The following FAM20C variants were observed in gnomAD, a reference collection of about 807,000 sequenced individuals.
The protein encoded by FAM20C is FAM20C golgi associated secretory pathway kinase, also known as extracellular serine/threonine protein kinase FAM20C.
FAM20C carries 40 observed loss-of-function variants against 51.5 expected under a neutral mutation model. The ratio of observed to expected loss-of-function variants is 0.78; its 90% CI spans 0.60 to 1.01. The LOEUF is 1.01. Ranked by LOEUF, FAM20C falls within the 50% of genes least tolerant of loss-of-function variation. FAM20C has a pLI of 0.00. For missense variants in FAM20C, 861 were observed against 844.7 expected, an observed-to-expected ratio of 1.02 and a Z score of -0.24; for synonymous variants, 406 against 380.6, an observed-to-expected ratio of 1.07 and a Z score of -0.78.
chr7:196,243 A>C (rs1785865993), intron 2 of FAM20C, among the ~76,000 whole-genome samples: 1 of 152,222 alleles, frequency 6.6e-6, no homozygotes, highest in Non-Finnish European at 1.5e-5. Context: ...AGACATAGGC[A>C]GGGCTCAGGA....
chr7:220,613 G>A (rs769181204), intron 3 of FAM20C, among the ~76,000 whole-genome samples: 1 of 152,196 alleles, frequency 6.6e-6, no homozygotes, highest in African/African-American at 2.4e-5. Flanking sequence ...AGGAGGCGGC[G>A]TTGGAGCTGA....
chr7:213,206 A>AGT (rs1347224190), intron 3 of FAM20C, among the ~76,000 whole-genome samples: 9 of 136,330 alleles, frequency 6.6e-5, no homozygotes, highest in African/African-American at 2.3e-4. Flanking sequence ...GGAGTTGTGC[A>AGT]GTGTGTAGTC....
Position 193,064 on chromosome 7 carries a change from G to A in FAM20C, c.-136G>A. 1.5e-6 allele frequency: 1 copy of A among 653,816 alleles called. No homozygotes were observed. The allele number at this position is 653,816 out of a possible 1,614,324, so 40.5% of individuals were successfully genotyped here. ...GCGCCCTGCACGCGGCCCGGGCCCG[G>A]GGACAGCCCCGGAGCTGGTAGCCGC... On this transcript the variant is annotated 5_prime_UTR_variant, in exon 1 of 10. Coordinates refer to ENST00000313766, the MANE Select transcript of FAM20C (RefSeq NM_020223.4).
At chr7:196,846 C>G (rs76249497) in intron 2 of FAM20C, among the ~76,000 whole-genome samples, 2 of 152,122 alleles carry the variant, frequency 1.3e-5, no homozygotes, top group Admixed American at 1.3e-4. Context: ...AGCTCTCTCC[C>G]CACCCCTTGA....
At position 193,769 on chromosome 7, in the gene FAM20C, C is replaced by T; in HGVS notation, c.570C>T (p.Thr190=). The T allele has an allele frequency of 1.3e-6, 2 of 1,551,766 alleles. No homozygotes were observed. Among genetic ancestry groups the T allele is most frequent in the Non-Finnish European group, 1.7e-6 (2 of 1,147,848 alleles). Residue 190 remains threonine (T), a synonymous_variant, in exon 1 of 10, where the codon ACC becomes ACT. Transcript: ENST00000313766. ...EDVLFNVNSD[T]RLSPKAAENP... Reference sequence around the variant, plus strand: ...TCCTGTTCAATGTGAACAGCGACACCAGGCTCAGCCCCAAAGCGGCGGAGA... The same window carrying T: ...TCCTGTTCAATGTGAACAGCGACACTAGGCTCAGCCCCAAAGCGGCGGAGA...
At chr7:253,062 C>T (rs1324067796) in intron 5 of FAM20C, among the ~76,000 whole-genome samples, 1 of 152,230 alleles carries the variant, frequency 6.6e-6, no homozygotes, top group Admixed American at 6.5e-5. Flanking sequence ...GCCTTTTTTC[C>T]TGCCACGGTG....
chr7:198,527 AAT>A (rs1464282863), intron 2 of FAM20C, among the ~76,000 whole-genome samples: 1 of 152,174 alleles, frequency 6.6e-6, no homozygotes, highest in Non-Finnish European at 1.5e-5. Flanking sequence ...TGTTACATTG[AAT>A]AGTCACATGT....
intron 3 of FAM20C, among the ~76,000 whole-genome samples, chr7:222,830 C>A (rs534645656): frequency 6.6e-6 from 1 of 152,086 alleles, no homozygotes; most frequent in East Asian, 1.9e-4. Context: ...TGTGTAAGGG[C>A]ATGTGTGTGC....
intron 3 of FAM20C, among the ~76,000 whole-genome samples, chr7:233,600 G>C (rs1243861178): frequency 1.3e-5 from 2 of 152,170 alleles, no homozygotes; most frequent in East Asian, 3.9e-4. Flanking sequence ...CTGCGTTGGC[G>C]GCTGGGGTCC....
chr7:252,740 C>T (rs149492884), intron 5 of FAM20C, among the ~76,000 whole-genome samples: 4,800 of 152,330 alleles, frequency 0.032, 89 homozygotes, highest in African/African-American at 0.046. Flanking sequence ...CCCTGCCCCA[C>T]GTAGGGATTG....
At position 218,064 on chromosome 7, in the gene FAM20C, C is replaced by T. The variant is rs936528221; in HGVS notation, c.863+9088C>T. Among the ~76,000 whole-genome samples, 3 of 152,260 alleles carry T rather than the reference C, an allele frequency of 2.0e-5. No individual in the cohort carries two copies. The East Asian group carries it at 5.8e-4, about 29-fold the overall frequency. ...CAGGAGTGGTGGGGTAGGGGTTGGA[C>T]GCTCAGGCCTGCTGCCTGTGGGCTG... is the stretch of plus-strand genomic sequence containing the variant. On this transcript the variant is annotated intron_variant, in intron 3 of 9. Coordinates refer to ENST00000313766, the MANE Select transcript of FAM20C (RefSeq NM_020223.4).
At chr7:256,304 C>T (rs1323636286) in intron 6 of FAM20C, 6 of 586,928 alleles carry the variant, frequency 1.0e-5, no homozygotes, top group Non-Finnish European at 1.8e-5. Flanking sequence ...CTGCTCTCGC[C>T]CCGTCCCTCT....
chr7:212,118 C>CAAACCAT, intron 3 of FAM20C, among the ~76,000 whole-genome samples: 1 of 152,346 alleles, frequency 6.6e-6, no homozygotes, highest in Middle Eastern at 3.4e-3. Flanking sequence ...CATACGAAAG[C>CAAACCAT]AGCTGTGGTT....
intron 3 of FAM20C, among the ~76,000 whole-genome samples, chr7:232,332 C>T (rs1277009649): frequency 2.0e-5 from 3 of 152,188 alleles, no homozygotes; most frequent in Non-Finnish European, 4.4e-5. Flanking sequence ...GCGGCCCAGC[C>T]CCCCACCTCT....
chr7:236,196 T>TGAGCGGCTCCTGGCCGAGGTGAGAGGCC (rs1230353546), intron 3 of FAM20C, among the ~76,000 whole-genome samples: 3 of 151,112 alleles, frequency 2.0e-5, no homozygotes, highest in South Asian at 2.1e-4. Context: ...GAAGGGAGGC[T>TGAGCGGCTCCTGGCCGAGGTGAGAGGCC]GAGCGGCTCC....
chr7:210,556 C>T (rs1252703457), intron 3 of FAM20C, among the ~76,000 whole-genome samples: 1 of 152,086 alleles, frequency 6.6e-6, no homozygotes, highest in Non-Finnish European at 1.5e-5. Flanking sequence ...GAGCTGGCTT[C>T]GAGCCGCGGG....
chr7:204,831 G>A (rs1464630560), intron 2 of FAM20C, among the ~76,000 whole-genome samples: 2 of 152,176 alleles, frequency 1.3e-5, no homozygotes, highest in South Asian at 2.1e-4. Context: ...CCACACTGCC[G>A]CTGTTCTCAG....
At chr7:246,866 C>A (rs1788188194) in intron 4 of FAM20C, among the ~76,000 whole-genome samples, 1 of 152,112 alleles carries the variant, frequency 6.6e-6, no homozygotes, top group African/African-American at 2.4e-5. Context: ...GCCCAGGTTC[C>A]CACGCTCCTA....
At chr7:249,947 C>A (rs998144784) in intron 5 of FAM20C, among the ~76,000 whole-genome samples, 1 of 152,100 alleles carries the variant, frequency 6.6e-6, no homozygotes, top group African/African-American at 2.4e-5. Flanking sequence ...GTGGTCCCAG[C>A]GATGGTGGGC....
Sources: gnomAD v4.1 joint callset for allele counts (sites outside exome capture counted in the v4.1 genomes callset) on GRCh38, gnomAD v4.1.1 for gene constraint, MANE v1.5 for transcripts, NCBI Gene and HGNC (gene_info 2026-07-23, HGNC 2026-07-21) for gene names.